RARB: variants seen among roughly 807,000 people sequenced by gnomAD.
RARB encodes the protein retinoic acid receptor beta.
A neutral mutation model predicts 51.9 loss-of-function variants in RARB; 17 were observed. The observed-to-expected ratio is 0.33, with a 90% CI of 0.22 to 0.49. RARB has a LOEUF of 0.49. RARB is among the 20% of genes least tolerant of loss of function. The pLI is 0.99. For synonymous variants in RARB, 215 were observed against 195.4 expected (o/e 1.10, Z -0.84); for missense variants, 369 against 550.8 (o/e 0.67, Z 3.30).
intron 4 of RARB, among the ~76,000 whole-genome samples, chr3:25,142,372 C>T (rs920457496): frequency 3.9e-5 from 6 of 152,092 alleles, no homozygotes; most frequent in Non-Finnish European, 8.8e-5. Flanking sequence ...TGAGATGCAA[C>T]TCAGAACCAT....
chr3:25,309,316 T>TC (rs2125432498), intron 5 of RARB, among the ~76,000 whole-genome samples: 1 of 150,536 alleles, frequency 6.6e-6, no homozygotes, highest in South Asian at 2.1e-4. Flanking sequence ...TTGTTTTTTT[T>TC]TTTTAGCAGA....
At chr3:25,111,757 T>C (rs1051089296) in intron 3 of RARB, among the ~76,000 whole-genome samples, 1 of 151,934 alleles carries the variant, frequency 6.6e-6, no homozygotes, top group African/African-American at 2.4e-5. Flanking sequence ...TTTTGTATTT[T>C]TAGTAGAGGT....
At chr3:25,368,073 G>T (rs1706184538) in intron 5 of RARB, among the ~76,000 whole-genome samples, 1 of 152,144 alleles carries the variant, frequency 6.6e-6, no homozygotes, top group African/African-American at 2.4e-5. Flanking sequence ...TTTATTCTAA[G>T]AATATTCTTT....
At chr3:25,332,024 C>G (rs1265841185) in intron 5 of RARB, among the ~76,000 whole-genome samples, 1 of 152,124 alleles carries the variant, frequency 6.6e-6, no homozygotes, top group Non-Finnish European at 1.5e-5. Flanking sequence ...GAAATTGAGG[C>G]AATAATTAAT....
chr3:25,076,799 C>A lies in RARB; in HGVS notation c.-328+16623C>A, dbSNP rs184566400. ...CACGGAAGTCTTCATTCAAATCAGA[C>A]CAATTACCACATGGAAGAACAAGAG... On this transcript the variant is annotated intron_variant, in intron 3 of 11. Transcript: ENST00000383772. 3.7e-3 allele frequency among the ~76,000 whole-genome samples: 564 copies of A among 152,222 alleles called. 9 individuals are homozygous for A. The highest frequency in any genetic ancestry group is 1.1e-3 in the Non-Finnish European group (75 of 68,022).
At chr3:25,522,323 A>G (rs1027140096) in intron 3 of RARB, among the ~76,000 whole-genome samples, 14 of 152,098 alleles carry the variant, frequency 9.2e-5, no homozygotes, top group African/African-American at 3.1e-4. Flanking sequence ...AAACTAAGAG[A>G]ATGGTCTAAA....
chr3:25,081,337 A>G (rs1175950059), intron 3 of RARB, among the ~76,000 whole-genome samples: 1 of 151,732 alleles, frequency 6.6e-6, no homozygotes, highest in Non-Finnish European at 1.5e-5. Flanking sequence ...CCCAGCATAC[A>G]GTGTATCTCA....
intron 2 of RARB, among the ~76,000 whole-genome samples, chr3:25,003,551 T>C (rs2125276194): frequency 6.6e-6 from 1 of 151,988 alleles, no homozygotes; most frequent in South Asian, 2.1e-4. Flanking sequence ...TTTTAATAGG[T>C]ACAACTACTG....
intron 2 of RARB, among the ~76,000 whole-genome samples, chr3:24,997,331 T>A (rs1333807448): frequency 6.6e-6 from 1 of 152,134 alleles, no homozygotes; most frequent in Non-Finnish European, 1.5e-5. Context: ...ATTCCTTCAC[T>A]TTCAGCACAT....
At chr3:24,949,244 C>T (rs1256426507) in intron 2 of RARB, among the ~76,000 whole-genome samples, 1 of 152,184 alleles carries the variant, frequency 6.6e-6, no homozygotes, top group African/African-American at 2.4e-5. Context: ...TCTCTTTCAG[C>T]TGTGTTGCAG....
intron 5 of RARB, among the ~76,000 whole-genome samples, chr3:25,309,486 C>CTTTTT (rs149976069): frequency 3.4e-5 from 2 of 58,084 alleles, no homozygotes; most frequent in Non-Finnish European, 6.4e-5. Flanking sequence ...CTCATAGTTG[C>CTTTTT]TTTTTTTTTT....
intron 3 of RARB, among the ~76,000 whole-genome samples, chr3:25,093,496 TC>T (rs11307775): frequency 0.86 from 130,510 of 152,020 alleles, 56,230 homozygotes; most frequent in African/African-American, 0.9. Flanking sequence ...TAATAGCCCT[TC>T]CCCCCAAACT....
intron 5 of RARB, among the ~76,000 whole-genome samples, chr3:25,414,403 A>G (rs915407619): frequency 6.6e-6 from 1 of 152,246 alleles, no homozygotes; most frequent in Admixed American, 6.5e-5. Flanking sequence ...TATTGAATAG[A>G]AATATGCCTT....
At chr3:25,257,839 C>T (rs1169773654) in intron 5 of RARB, among the ~76,000 whole-genome samples, 1 of 152,100 alleles carries the variant, frequency 6.6e-6, no homozygotes, top group Non-Finnish European at 1.5e-5. Context: ...CTTTAAAACA[C>T]CCCAAATACC....
At chr3:24,965,936 A>C (rs1268122340) in intron 2 of RARB, among the ~76,000 whole-genome samples, 1 of 152,202 alleles carries the variant, frequency 6.6e-6, no homozygotes, top group Non-Finnish European at 1.5e-5. Context: ...ACGTGGTATT[A>C]GTGTTACATT....
chr3:25,132,698 T>A lies in RARB; in HGVS notation c.-280+490T>A, dbSNP rs148130160. ...TGACTATAGTTAATAATAATTTATA[T>A]TTCAAAATAGCTAAAATAATGGCTT... On this transcript the variant is annotated intron_variant, in intron 4 of 11. Coordinates refer to the RARB transcript ENST00000383772. Among the ~76,000 whole-genome samples the A allele has an allele frequency of 1.4e-3, 209 of 152,048 alleles. 2 individuals are homozygous for A. Among genetic ancestry groups the A allele is most frequent in the Middle Eastern group, 0.01 (3 of 294 alleles).
chr3:25,249,757 A>G (rs1702661665), intron 5 of RARB, among the ~76,000 whole-genome samples: 1 of 83,694 alleles, frequency 1.2e-5, no homozygotes, highest in South Asian at 4.5e-4. Context: ...TACATAGGGT[A>G]TGGTTGTTAG....
chr3:24,889,908 GAAAA>G (rs76271154), intron 2 of RARB, among the ~76,000 whole-genome samples: 8 of 113,000 alleles, frequency 7.1e-5, no homozygotes, highest in African/African-American at 1.9e-4. Context: ...GAGCAGGCAT[GAAAA>G]AAAAAAAAAA....
At chr3:25,532,052 G>T (rs369440606) in intron 3 of RARB, among the ~76,000 whole-genome samples, 12 of 152,190 alleles carry the variant, frequency 7.9e-5, no homozygotes, top group South Asian at 6.2e-4. Context: ...TGAAATAATG[G>T]TTCTATACAG....
Sources: allele counts gnomAD v4.1 joint callset (sites outside exome capture counted in the v4.1 genomes callset), GRCh38; gene constraint gnomAD v4.1.1; transcripts MANE v1.5; gene names NCBI Gene and HGNC (gene_info 2026-07-23, HGNC 2026-07-21).